IL17RB: variants seen among roughly 807,000 people sequenced by gnomAD.
IL17RB encodes the protein interleukin-17 receptor B.
Under a neutral mutation model 43.9 loss-of-function variants are expected in IL17RB, and 36 were observed. The ratio of observed to expected loss-of-function variants is 0.82; its 90% CI spans 0.63 to 1.08. The LOEUF is 1.08. IL17RB is among the 50% of genes least tolerant of loss of function. IL17RB has a pLI of 0.00. For synonymous variants in IL17RB, 225 were observed against 225.4 expected (o/e 1.00, Z 0.02); for missense variants, 613 against 613.6 (o/e 1.00, Z 0.01).
intron 7 of IL17RB, 145 bp downstream of exon 7, chr3:53,857,131 G>C: frequency 1.2e-6 from 1 of 826,434 alleles, no homozygotes; most frequent in Non-Finnish European, 2.0e-6. Context: ...CATCCTGAGA[G>C]GTGTCACTGT....
chr3:53,856,569 G>A (rs1312723727), intron 6 of IL17RB, among the ~76,000 whole-genome samples: 1 of 152,230 alleles, frequency 6.6e-6, no homozygotes, highest in East Asian at 1.9e-4. Context: ...GTTGAAAACA[G>A]CAGTGAGTAG....
intron 8 of IL17RB, 123 bp downstream of exon 8, chr3:53,857,813 G>T (rs1271316381): frequency 3.5e-6 from 3 of 854,892 alleles, no homozygotes; most frequent in African/African-American, 1.7e-5. Context: ...CCAGTTAAGT[G>T]GCGTTCATGG....
At position 53,856,920 on chromosome 3, in the gene IL17RB, C is replaced by T. The variant is rs202151916; in HGVS notation, c.606C>T (p.Pro202=). ...ETVEVNFTTT[P]LGNRYMALIQ... ...TAGAAGTGAACTTCACAACCACTCCCCTGGGAAACAGATACATGGCTCTTA... is the reference window on the plus strand; with the variant it reads ...TAGAAGTGAACTTCACAACCACTCCTCTGGGAAACAGATACATGGCTCTTA... Residue 202 remains proline (P), a synonymous_variant, in exon 7 of 11, where the codon CCC becomes CCT. Coordinates refer to ENST00000288167, the MANE Select transcript of IL17RB (RefSeq NM_018725.4). 73 of 1,613,904 alleles carry T rather than the reference C, an allele frequency of 4.5e-5. 1 individual carries two copies. In the Middle Eastern group the frequency reaches 8.2e-4, roughly 18 times the overall value.
At chr3:53,856,297 C>T (rs540234841) in intron 6 of IL17RB, among the ~76,000 whole-genome samples, 3 of 152,212 alleles carry the variant, frequency 2.0e-5, no homozygotes, top group Admixed American at 6.5e-5. Flanking sequence ...ATGAATGAAA[C>T]GACTGACTTT....
At chr3:53,853,392 A>C (rs1278109136) in intron 5 of IL17RB, among the ~76,000 whole-genome samples, 4 of 152,196 alleles carry the variant, frequency 2.6e-5, no homozygotes, top group Non-Finnish European at 2.9e-5. Context: ...AGAGCAATGC[A>C]CCTGAGCCAC....
At chr3:53,862,055 G>T (rs906594967) in intron 10 of IL17RB, among the ~76,000 whole-genome samples, 1 of 152,150 alleles carries the variant, frequency 6.6e-6, no homozygotes, top group African/African-American at 2.4e-5. Flanking sequence ...CAATAAGAAG[G>T]CCTGGACACT....
chr3:53,852,287 A>G (rs1385826259), intron 4 of IL17RB, among the ~76,000 whole-genome samples, 161 bp downstream of exon 4: 1 of 152,094 alleles, frequency 6.6e-6, no homozygotes, highest in Non-Finnish European at 1.5e-5. Context: ...GACTACAGGC[A>G]TGAGCCACCA....
At chr3:53,853,172 A>AT (rs1458287878) in intron 5 of IL17RB, among the ~76,000 whole-genome samples, 175 bp downstream of exon 5, 3 of 152,236 alleles carry the variant, frequency 2.0e-5, no homozygotes, top group African/African-American at 7.2e-5. Flanking sequence ...AGCAGAGAGA[A>AT]TAAAGTCAGG....
At chr3:53,859,941 C>G (rs887310602) in intron 9 of IL17RB, 189 bp from the exon 10 acceptor site, 1 of 474,722 alleles carries the variant, frequency 2.1e-6, no homozygotes, top group African/African-American at 1.9e-5. Flanking sequence ...ACCCGGGAGA[C>G]GGAGGCTGCA....
chr3:53,854,145 C>T lies in IL17RB; in HGVS notation c.481+1148C>T, dbSNP rs138911973. 2.5e-3 allele frequency among the ~76,000 whole-genome samples: 374 copies of T among 152,296 alleles called. 4 individuals carry two copies. The highest frequency in any genetic ancestry group is 8.6e-3 in the African/African-American group (358 of 41,560). ...CTCCTAACCTCGGGTGATCTGCCTA[C>T]CTTGGCCTCCCAAAGTGCTGGGATT... On this transcript the variant is annotated intron_variant, in intron 5 of 10. Transcript: ENST00000288167.
At chr3:53,847,036 C>A (rs1222322054) in intron 1 of IL17RB, among the ~76,000 whole-genome samples, 1 of 152,206 alleles carries the variant, frequency 6.6e-6, no homozygotes, top group East Asian at 1.9e-4. Context: ...CCTGTTGGGG[C>A]ACAAGAACTG....
chr3:53,850,166 A>G (rs978731651), intron 3 of IL17RB, among the ~76,000 whole-genome samples: 3 of 152,274 alleles, frequency 2.0e-5, no homozygotes, highest in African/African-American at 4.8e-5. Context: ...CCATTTACAG[A>G]AAGTGCCAAG....
intron 9 of IL17RB, chr3:53,859,886 G>C (rs541219679): frequency 2.7e-6 from 1 of 376,932 alleles, no homozygotes; most frequent in South Asian, 4.2e-5. Flanking sequence ...GGTGACACAT[G>C]CCTGTAATCC....
At chr3:53,864,602 G>C in intron 10 of IL17RB, 144 bp from the exon 11 acceptor site, 3 of 667,152 alleles carry the variant, frequency 4.5e-6, no homozygotes, top group Non-Finnish European at 7.9e-6. Flanking sequence ...GGAACATCAG[G>C]ATGTTTTTCC....
rs1699359822 is a variant in IL17RB at position 53,856,987 on chromosome 3, G to A, written c.672+1G>A. On this transcript the variant is annotated splice_donor_variant, in intron 7 of 10. Coordinates refer to ENST00000288167, the MANE Select transcript of IL17RB (RefSeq NM_018725.4). LOFTEE classifies it high-confidence loss of function. ...CATCGGGTTTTCTCAGGTGTTTGAG[G>A]TACTTTTTCTCTTCGTCCCCTTCAC... 1 of 1,613,804 alleles carries A rather than the reference G, an allele frequency of 6.2e-7. No homozygotes were observed. The highest frequency in any genetic ancestry group is 8.5e-7 in the Non-Finnish European group (1 of 1,180,004).
At chr3:53,854,031 G>A (rs1699248211) in intron 5 of IL17RB, among the ~76,000 whole-genome samples, 1 of 152,058 alleles carries the variant, frequency 6.6e-6, no homozygotes, top group South Asian at 2.1e-4. Flanking sequence ...CAAGAAGCTA[G>A]GATTACAGTC....
chr3:53,865,344 C>CTT lies in IL17RB; in HGVS notation c.*37_*38insTT. ...AGAAGCAAGAGACCTTAAAGGCTTC[C>CTT]TATCCCACCAATTACAGGGAAAAAA... is the stretch of plus-strand genomic sequence containing the variant. On this transcript the variant is annotated 3_prime_UTR_variant, in exon 11 of 11. Coordinates refer to ENST00000288167, the MANE Select transcript of IL17RB (RefSeq NM_018725.4). 6.6e-7 allele frequency: 1 copy of CTT among 1,513,434 alleles called. No homozygotes were observed. Among genetic ancestry groups the CTT allele is most frequent in the Non-Finnish European group, 8.9e-7 (1 of 1,122,452 alleles). 93.8% of individuals were successfully genotyped at this position (1,513,434 alleles called of 1,614,324 possible). A position where few individuals can be genotyped will look rare whatever the true frequency, so the allele number is the denominator to read the frequency against.
At chr3:53,853,236 G>C (rs1699220423) in intron 5 of IL17RB, among the ~76,000 whole-genome samples, 1 of 152,192 alleles carries the variant, frequency 6.6e-6, no homozygotes, top group South Asian at 2.1e-4. Context: ...CTGAATACTT[G>C]ATATGCATCA....
At chr3:53,860,385 C>T (rs6766099) in intron 10 of IL17RB, 157 bp downstream of exon 10, 75,121 of 500,416 alleles carry the variant, frequency 0.15, 7,254 homozygotes, top group East Asian at 0.29. Flanking sequence ...GAGACTGATA[C>T]GAGCATGACT....
Sources: allele counts gnomAD v4.1 joint callset (sites outside exome capture counted in the v4.1 genomes callset), GRCh38; gene constraint gnomAD v4.1.1; transcripts MANE v1.5; gene names NCBI Gene and HGNC (gene_info 2026-07-23, HGNC 2026-07-21).